Variants in MIPOL1 observed in about 807,000 individuals in gnomAD.
The protein encoded by MIPOL1 is mirror-image polydactyly gene 1 protein.
A neutral mutation model predicts 60.9 loss-of-function variants in MIPOL1; 57 were observed. The ratio of observed to expected loss-of-function variants is 0.94; its 90% CI spans 0.76 to 1.17. The LOEUF is 1.17. Ranked by LOEUF, MIPOL1 falls within the 50% of genes most tolerant of loss-of-function variation. The probability of loss-of-function intolerance (pLI) is 0.00; values close to 1 mark genes in which losing one functional copy is unlikely to be tolerated. For missense variants in MIPOL1, 551 were observed against 511.6 expected, an observed-to-expected ratio of 1.08 and a Z score of -0.74; for synonymous variants, 179 against 168.8, an observed-to-expected ratio of 1.06 and a Z score of -0.47.
intron 11 of MIPOL1, among the ~76,000 whole-genome samples, chr14:37,438,209 C>G (rs937958838): frequency 9.2e-5 from 14 of 152,150 alleles, no homozygotes; most frequent in Admixed American, 8.5e-4. Flanking sequence ...GTCCCCTAAC[C>G]TATGAAAAAC....
intron 12 of MIPOL1, among the ~76,000 whole-genome samples, chr14:37,538,237 C>G (rs2095514887): frequency 6.6e-6 from 1 of 152,092 alleles, no homozygotes; most frequent in Non-Finnish European, 1.5e-5. Context: ...GTCTTGATTT[C>G]AGGAGTCATT....
rs193293565 is a variant in MIPOL1 at position 37,336,212 on chromosome 14, A to G, written c.828+27693A>G. ...GGTTTTGGTACCTTTATCAAAAATG[A>G]CTTGTCTATATATGCACAGGTTTAC... On this transcript the variant is annotated intron_variant, in intron 9 of 12. Coordinates refer to ENST00000684589, the MANE Select transcript of MIPOL1 (RefSeq NM_001388067.1). 1.2e-3 allele frequency among the ~76,000 whole-genome samples: 180 copies of G among 150,732 alleles called. 2 individuals carry two copies. The highest frequency in any genetic ancestry group is 1.3e-3 in the Non-Finnish European group (86 of 67,784).
rs566576803 is a variant in MIPOL1 at position 37,323,315 on chromosome 14, G to A, written c.828+14796G>A. ...GTATGGTGTTATTTCTGAGGCCTCTGTTATGTTCCATTGGTCTATATATAT... is the reference window on the plus strand; with the variant it reads ...GTATGGTGTTATTTCTGAGGCCTCTATTATGTTCCATTGGTCTATATATAT... On this transcript the variant is annotated intron_variant, in intron 9 of 12. Coordinates refer to ENST00000684589, the MANE Select transcript of MIPOL1 (RefSeq NM_001388067.1). 2.7e-3 allele frequency among the ~76,000 whole-genome samples: 409 copies of A among 152,148 alleles called. 1 individual carries two copies. Among genetic ancestry groups the A allele is most frequent in the Admixed American group, 4.5e-3 (69 of 15,274 alleles).
At chr14:37,397,034 G>A (rs1469531140) in intron 10 of MIPOL1, 1 of 152,084 alleles carries the variant, frequency 6.6e-6, no homozygotes, top group African/African-American at 2.4e-5. Flanking sequence ...TATGATTTTT[G>A]GGAGTTGTTT....
intron 1 of MIPOL1, among the ~76,000 whole-genome samples, chr14:37,242,913 G>A (rs954833114): frequency 5.9e-5 from 9 of 152,150 alleles, no homozygotes; most frequent in East Asian, 3.8e-4. Flanking sequence ...TGAGCAAGGC[G>A]TGCATAATGA....
intron 10 of MIPOL1, among the ~76,000 whole-genome samples, chr14:37,370,812 C>T (rs2092618331): frequency 6.6e-6 from 1 of 152,044 alleles, no homozygotes; most frequent in Non-Finnish European, 1.5e-5. Context: ...TAATTACCCC[C>T]AAGGAATTTA....
chr14:37,293,905 G>A (rs1313330793), intron 7 of MIPOL1, among the ~76,000 whole-genome samples: 2 of 152,208 alleles, frequency 1.3e-5, no homozygotes, highest in Admixed American at 6.5e-5. Flanking sequence ...CAAACAAAAG[G>A]CAGCAATAAC....
chr14:37,238,980 T>G (rs1971931944), intron 1 of MIPOL1, among the ~76,000 whole-genome samples: 1 of 151,758 alleles, frequency 6.6e-6, no homozygotes, highest in African/African-American at 2.4e-5. Context: ...TATATTTATT[T>G]TTTAATGAAA....
intron 9 of MIPOL1, among the ~76,000 whole-genome samples, chr14:37,315,802 T>C (rs1291778842): frequency 6.6e-6 from 1 of 152,040 alleles, no homozygotes; most frequent in Non-Finnish European, 1.5e-5. Flanking sequence ...CATTGGGATA[T>C]GGATAAGTAA....
chr14:37,274,525 T>A (rs1167410968), intron 6 of MIPOL1, among the ~76,000 whole-genome samples: 1 of 151,458 alleles, frequency 6.6e-6, no homozygotes, highest in African/African-American at 2.4e-5. Flanking sequence ...CTAGGCACTG[T>A]GTTAGACACT....
intron 1 of MIPOL1, among the ~76,000 whole-genome samples, chr14:37,244,104 CTTTTTTTTTTTTTTTTT>C (rs143933758): frequency 3.9e-5 from 2 of 51,588 alleles, no homozygotes; most frequent in African/African-American, 1.7e-4. Context: ...GACTCACTTC[CTTTTTTTTTTTTTTTTT>C]TTTTTTTTTT....
chr14:37,507,019 G>T (rs909272946), intron 12 of MIPOL1: 2 of 152,116 alleles, frequency 1.3e-5, no homozygotes, highest in African/African-American at 4.8e-5. Context: ...ATCATCACTG[G>T]TCATCAGAGA....
chr14:37,357,935 A>C (rs746787665), intron 9 of MIPOL1, among the ~76,000 whole-genome samples: 4 of 151,968 alleles, frequency 2.6e-5, no homozygotes, highest in Non-Finnish European at 4.4e-5. Flanking sequence ...GGTTTGCTGC[A>C]CCCATCAACT....
intron 1 of MIPOL1, among the ~76,000 whole-genome samples, chr14:37,229,469 A>G (rs1970284892): frequency 6.6e-6 from 1 of 152,134 alleles, no homozygotes; most frequent in Admixed American, 6.6e-5. Flanking sequence ...CATTTTTGCC[A>G]CTAAGACTAA....
At chr14:37,350,653 C>G (rs1208389339) in intron 9 of MIPOL1, among the ~76,000 whole-genome samples, 1 of 152,026 alleles carries the variant, frequency 6.6e-6, no homozygotes, top group Non-Finnish European at 1.5e-5. Flanking sequence ...ATTTTACTGT[C>G]AAATATTAGG....
At chr14:37,246,313 A>G (rs1973191700) in intron 1 of MIPOL1, among the ~76,000 whole-genome samples, 1 of 152,136 alleles carries the variant, frequency 6.6e-6, no homozygotes, top group Non-Finnish European at 1.5e-5. Context: ...GAAATCACCT[A>G]TATGAAATAG....
At chr14:37,427,867 A>G (rs1038874127) in intron 11 of MIPOL1, among the ~76,000 whole-genome samples, 3 of 152,160 alleles carry the variant, frequency 2.0e-5, no homozygotes, top group Admixed American at 6.5e-5. Context: ...TAATTTTCCT[A>G]TGTTATAGAG....
intron 11 of MIPOL1, among the ~76,000 whole-genome samples, chr14:37,442,383 C>T (rs1426472852): frequency 6.6e-6 from 1 of 152,002 alleles, no homozygotes; most frequent in African/African-American, 2.4e-5. Context: ...TGCCTGATTG[C>T]TCTGACTAGG....
chr14:37,211,232 GA>G (rs536952811), intron 1 of MIPOL1, among the ~76,000 whole-genome samples: 2 of 114,850 alleles, frequency 1.7e-5, no homozygotes, highest in Admixed American at 1.4e-4. Flanking sequence ...TATCTACACA[GA>G]AAAAAAACAC....
Sources: allele counts gnomAD v4.1 joint callset (sites outside exome capture counted in the v4.1 genomes callset), GRCh38; gene constraint gnomAD v4.1.1; transcripts MANE v1.5; gene names NCBI Gene and HGNC (gene_info 2026-07-23, HGNC 2026-07-21).